Variants in RNF17 observed in about 807,000 individuals in gnomAD.
The protein encoded by RNF17 is spermatogenesis associated 23.
In RNF17, 31 loss-of-function variants were observed where a neutral mutation model predicts 200.5. That is an observed-to-expected ratio of 0.15 (90% CI 0.12 to 0.21). The LOEUF is 0.21. Ranked by LOEUF, RNF17 falls within the 10% of genes least tolerant of loss-of-function variation. The probability of loss-of-function intolerance (pLI) is 1.00; values close to 1 mark genes in which losing one functional copy is unlikely to be tolerated. For missense variants in RNF17, 1,628 were observed against 1,905.1 expected (o/e 0.85, Z 2.71); for synonymous variants, 606 against 637.8 (o/e 0.95, Z 0.75).
intron 35 of RNF17, 34 bp downstream of exon 35, chr13:24,879,329 G>A: frequency 7.5e-7 from 1 of 1,329,814 alleles, no homozygotes; most frequent in Non-Finnish European, 1.1e-6. Flanking sequence ...CATAAGGCAT[G>A]GGACTAGTGG....
At chr13:24,814,713 A>G (rs1351775487) in intron 15 of RNF17, among the ~76,000 whole-genome samples, 2 of 152,162 alleles carry the variant, frequency 1.3e-5, no homozygotes, top group Non-Finnish European at 2.9e-5. Context: ...TTGTCTGTGT[A>G]TCTGTCCTTA....
At chr13:24,837,976 C>T (rs989018846) in intron 18 of RNF17, among the ~76,000 whole-genome samples, 18 of 151,986 alleles carry the variant, frequency 1.2e-4, no homozygotes, top group Non-Finnish European at 1.5e-5. Flanking sequence ...AGAGAAAATC[C>T]AAATAACCTC....
intron 15 of RNF17, among the ~76,000 whole-genome samples, chr13:24,816,014 C>A (rs1887362290): frequency 6.6e-6 from 1 of 152,154 alleles, no homozygotes; most frequent in Non-Finnish European, 1.5e-5. Context: ...CCCGCCTCAG[C>A]CTTCTGAGTT....
In RNF17 at chr13:24,874,266, G is replaced by A. The variant is rs768270093; in HGVS notation, c.4583+17G>A. On this transcript the variant is annotated intron_variant, in intron 33 of 35. Coordinates refer to ENST00000255324, the MANE Select transcript of RNF17 (RefSeq NM_031277.3). ...ATTAAACAGGTTAAAAATAAATGTC[G>A]GGGTGTTGAATTAGATTTCTTTTTT... is the stretch of plus-strand genomic sequence containing the variant. 3.2e-6 allele frequency: 5 copies of A among 1,547,190 alleles called. No individual in the cohort carries two copies. The highest frequency in any genetic ancestry group is 3.5e-6 in the Non-Finnish European group (4 of 1,153,754).
intron 28 of RNF17, among the ~76,000 whole-genome samples, chr13:24,863,988 C>T (rs1893372951): frequency 6.6e-6 from 1 of 152,170 alleles, no homozygotes; most frequent in Non-Finnish European, 1.5e-5. Context: ...AAATCCCTGC[C>T]TTTCTAGAGC....
At chr13:24,883,412 ATAG>A, downstream of RNF17, 2 of 1,450,456 alleles carry the variant, frequency 1.4e-6, no homozygotes, top group Non-Finnish European at 1.9e-6. Flanking sequence ...AAAAAAAATA[ATAG>A]AAAATAAACA....
chr13:24,774,265 A>G (rs1013032997), intron 2 of RNF17, among the ~76,000 whole-genome samples: 12 of 151,966 alleles, frequency 7.9e-5, no homozygotes, highest in Non-Finnish European at 1.8e-4. Flanking sequence ...GCAGTGATGC[A>G]ATCTTGGCTC....
intron 27 of RNF17, among the ~76,000 whole-genome samples, 174 bp downstream of exon 27, chr13:24,861,561 A>G (rs1893106441): frequency 6.6e-6 from 1 of 152,258 alleles, no homozygotes; most frequent in South Asian, 2.1e-4. Context: ...CAGTTACAAA[A>G]TTATACTCAA....
chr13:24,824,417 A>G lies in RNF17; in HGVS notation c.2092-1202A>G, dbSNP rs115252726. On this transcript the variant is annotated intron_variant, in intron 15 of 35. Transcript: ENST00000255324. ...TTAAAGTAATTTAAATGAAATAACA[A>G]GATAAGGATTCAGAAAATTTTCACT... 1,889 of 389,142 alleles carry G rather than the reference A, an allele frequency of 4.9e-3. 40 individuals are homozygous for G. Among genetic ancestry groups the G allele is most frequent in the African/African-American group, 0.034 (1,657 of 48,642 alleles). The allele number at this position is 389,142 out of a possible 1,614,324, so 24.1% of individuals were successfully genotyped here.
upstream of RNF17, among the ~76,000 whole-genome samples, chr13:24,763,808 C>T (rs988906198): frequency 6.6e-6 from 1 of 152,124 alleles, no homozygotes; most frequent in Non-Finnish European, 1.5e-5. Context: ...GCCCTGGATG[C>T]CCGAAGCACA....
chr13:24,753,482 G>A, the RNF17 span, among the ~76,000 whole-genome samples: 3 of 152,206 alleles, frequency 2.0e-5, no homozygotes, highest in African/African-American at 7.2e-5. Context: ...AACCTTACCT[G>A]ATGGCCAGGG....
chr13:24,781,150 A>G (rs1237957409), intron 5 of RNF17, among the ~76,000 whole-genome samples: 2 of 152,250 alleles, frequency 1.3e-5, no homozygotes, highest in East Asian at 3.9e-4. Flanking sequence ...AAAAATACTA[A>G]GATTGTGTAA....
In RNF17 at chr13:24,789,729, A is replaced by G. The variant is rs376276811; in HGVS notation, c.892A>G (p.Met298Val). The change falls in exon 9 of 36, where the codon ATG becomes GTG. Residue 298 changes from methionine (M) to valine (V), a missense_variant. Around this residue, in one of 5 missense-constraint regions of RNF17, gnomAD observed 502 missense variants for 501.7 expected, o/e 1.00. Coordinates refer to ENST00000255324, the MANE Select transcript of RNF17 (RefSeq NM_031277.3). Reference sequence around the variant, plus strand: ...TGTGAATTGCAGTGAGATCATCTGTATGTTCAACAATATGGGAAAGATTGA... The same window carrying G: ...TGTGAATTGCAGTGAGATCATCTGTGTGTTCAACAATATGGGAAAGATTGA... Reference protein sequence around the residue: ...LSVNCSEIICMFNNMGKIEFR... With the variant: ...LSVNCSEIICVFNNMGKIEFR... 1.2e-6 allele frequency: 2 copies of G among 1,600,522 alleles called. No individual in the cohort carries two copies. The highest frequency in any genetic ancestry group is 1.1e-5 in the South Asian group (1 of 90,672).
intron 23 of RNF17, among the ~76,000 whole-genome samples, chr13:24,851,222 G>T (rs970882554): frequency 3.3e-5 from 5 of 152,170 alleles, no homozygotes; most frequent in Non-Finnish European, 4.4e-5. Flanking sequence ...TCAAACTCCC[G>T]ACCTCAAGTG....
chr13:24,854,653 A>G (rs3848000), intron 25 of RNF17, among the ~76,000 whole-genome samples: 63,158 of 151,834 alleles, frequency 0.42, 13,191 homozygotes, highest in Admixed American at 0.45. Context: ...AGAAAAAGGA[A>G]ATAAAGGTCC....
At chr13:24,795,340 A>G (rs1028488405) in intron 10 of RNF17, among the ~76,000 whole-genome samples, 1 of 146,002 alleles carries the variant, frequency 6.8e-6, no homozygotes, top group Non-Finnish European at 1.5e-5. Flanking sequence ...CATTTTCTTT[A>G]TGCATTTATA....
downstream of RNF17, among the ~76,000 whole-genome samples, chr13:24,881,245 C>T (rs1271464116): frequency 6.6e-6 from 1 of 151,852 alleles, no homozygotes; most frequent in Non-Finnish European, 1.5e-5. Context: ...CTCCTGAGTT[C>T]AAGCGATTGT....
At chr13:24,849,283 G>T (rs143780616) in intron 22 of RNF17, among the ~76,000 whole-genome samples, 1 of 152,186 alleles carries the variant, frequency 6.6e-6, no homozygotes. Context: ...AATCTCTTCT[G>T]TGTTACCAAT....
At chr13:24,812,730 G>T (rs1350496251) in intron 15 of RNF17, among the ~76,000 whole-genome samples, 66 of 136,388 alleles carry the variant, frequency 4.8e-4, no homozygotes, top group African/African-American at 1.7e-3. Flanking sequence ...CGCCCAGGCT[G>T]GAGTGTAGTG....
Sources: gnomAD v4.1 joint callset for allele counts (sites outside exome capture counted in the v4.1 genomes callset) on GRCh38, gnomAD v4.1.1 for gene constraint, gnomAD v4.1.1 regional missense constraint, MANE v1.5 for transcripts, NCBI Gene and HGNC (gene_info 2026-07-23, HGNC 2026-07-21) for gene names.